The following GABBR2 variants were observed in gnomAD, a reference collection of about 807,000 sequenced individuals.
GABBR2 encodes the protein G-protein coupled receptor 51.
A neutral mutation model predicts 105.6 loss-of-function variants in GABBR2; 23 were observed. That is an observed-to-expected ratio of 0.22 (90% CI 0.16 to 0.31). The LOEUF is 0.31. GABBR2 is among the 10% of genes least tolerant of loss of function. The probability of loss-of-function intolerance (pLI) is 1.00; values close to 1 mark genes in which losing one functional copy is unlikely to be tolerated. For missense variants in GABBR2, 734 were observed against 1,245.5 expected (o/e 0.59, Z 6.18); for synonymous variants, 478 against 499.7 (o/e 0.96, Z 0.58).
intron 13 of GABBR2, among the ~76,000 whole-genome samples, chr9:98,345,798 A>G (rs1831293811): frequency 6.6e-6 from 1 of 152,250 alleles, no homozygotes; most frequent in African/African-American, 2.4e-5. Flanking sequence ...TTGCTTTCCT[A>G]TACAGGCACA....
At chr9:98,663,021 G>C (rs1023341013) in intron 1 of GABBR2, among the ~76,000 whole-genome samples, 1 of 152,152 alleles carries the variant, frequency 6.6e-6, no homozygotes, top group South Asian at 2.1e-4. Context: ...ATTAAGGATG[G>C]GTTGATCATG....
chr9:98,469,333 C>T (rs1264982067), intron 6 of GABBR2, among the ~76,000 whole-genome samples: 1 of 152,164 alleles, frequency 6.6e-6, no homozygotes, highest in Non-Finnish European at 1.5e-5. Context: ...CTCGTGAGAA[C>T]TCATTCACTA....
rs1039608029 is a variant in GABBR2 at position 98,313,262 on chromosome 9, A to G, written c.1894-2057T>C. Reference sequence around the variant, plus strand: ...AACTCTTCTTGCTCCCAGCCTTGCAATCAACCATTTCTCCAAGGAGTCCTT... The same window carrying G: ...AACTCTTCTTGCTCCCAGCCTTGCAGTCAACCATTTCTCCAAGGAGTCCTT... On this transcript the variant is annotated intron_variant, in intron 13 of 18. Transcript: ENST00000259455. Among the ~76,000 whole-genome samples the G allele has an allele frequency of 2.0e-5, 3 of 152,162 alleles. No individual in the cohort carries two copies. The East Asian group carries it at 5.8e-4, about 29-fold the overall frequency.
At chr9:98,510,890 C>G (rs1827626536) in intron 3 of GABBR2, among the ~76,000 whole-genome samples, 1 of 152,194 alleles carries the variant, frequency 6.6e-6, no homozygotes, top group South Asian at 2.1e-4. Flanking sequence ...GAACTCAGCT[C>G]TGCACCAAGC....
intron 13 of GABBR2, among the ~76,000 whole-genome samples, chr9:98,354,128 T>C (rs998189600): frequency 1.1e-4 from 16 of 152,230 alleles, no homozygotes; most frequent in Admixed American, 3.3e-4. Flanking sequence ...GAAAAGAGTA[T>C]TTTAATTAAT....
intron 1 of GABBR2, among the ~76,000 whole-genome samples, chr9:98,590,059 C>G (rs995530380): frequency 1.3e-5 from 2 of 152,150 alleles, no homozygotes; most frequent in African/African-American, 4.8e-5. Context: ...CCTCTGTCCC[C>G]CTTTGCCTAT....
intron 1 of GABBR2, among the ~76,000 whole-genome samples, chr9:98,585,276 T>C (rs911500746): frequency 2.0e-4 from 30 of 151,698 alleles, no homozygotes; most frequent in Admixed American, 1.3e-4. Context: ...ATTAAGAAAA[T>C]GTGGCACATA....
chr9:98,670,023 C>T (rs1026587302), intron 1 of GABBR2, among the ~76,000 whole-genome samples: 2 of 152,070 alleles, frequency 1.3e-5, no homozygotes, highest in African/African-American at 4.8e-5. Flanking sequence ...CAGCAAGCCA[C>T]GTGTGCAGTC....
rs1832246999 is a variant in GABBR2 at position 98,394,217 on chromosome 9, C to T, written c.1336G>A (p.Ala446Thr). 1 of 1,613,988 alleles carries T rather than the reference C, an allele frequency of 6.2e-7. No homozygotes were observed. Among genetic ancestry groups the T allele is most frequent in the African/African-American group, 1.3e-5 (1 of 75,030 alleles). The change falls in exon 9 of 19, where the codon GCC (alanine) becomes ACC (threonine). Residue 446 changes from alanine (A) to threonine (T), a missense_variant. Transcript: ENST00000259455. ...TCATTGATGATCTCCAGTGTGTCGG[C>T]CACAGCGTTGTACTCTCCCACCTTC... ...EVKVGEYNAV[A>T]DTLEIINDTI...
rs113747643 is a variant in GABBR2 at position 98,388,619 on chromosome 9, CTGTGTGTGTGTGTGTGTGTGTGTG to C, written c.1529+211_1529+234del. Among the ~76,000 whole-genome samples, 1 of 144,468 alleles carries C rather than the reference CTGTGTGTGTGTGTGTGTGTGTGTG, an allele frequency of 6.9e-6. No homozygotes were observed. The highest frequency in any genetic ancestry group is 2.6e-5 in the African/African-American group (1 of 39,126). 94.8% of individuals were successfully genotyped at this position (144,468 alleles called of 152,430 possible). Reference sequence around the variant, plus strand: ...TCCTGTGCAACCAGCAGCCTGGCCTCTGTGTGTGTGTGTGTGTGTGTGTGTGTGTGTGTGTGTGTGTGCGTGCAC... The same window carrying C: ...TCCTGTGCAACCAGCAGCCTGGCCTCTGTGTGTGTGTGTGTGTGCGTGCAC... On this transcript the variant is annotated intron_variant, in intron 10 of 18. Transcript: ENST00000259455. This position sits in a 1 kb window ranked among gnomAD's most constrained non-coding sequence, Gnocchi z 4.4.
At chr9:98,353,790 G>A (rs1831440692) in intron 13 of GABBR2, among the ~76,000 whole-genome samples, 1 of 117,460 alleles carries the variant, frequency 8.5e-6, no homozygotes, top group Admixed American at 9.4e-5. Flanking sequence ...ACCAGGTGGA[G>A]GTAATTGGAT....
At chr9:98,400,424 T>C (rs945433251) in intron 8 of GABBR2, among the ~76,000 whole-genome samples, 1 of 152,048 alleles carries the variant, frequency 6.6e-6, no homozygotes, top group Non-Finnish European at 1.5e-5. Context: ...CCTCTGCCAG[T>C]GGGTGTGGAT....
chr9:98,298,839 T>G (rs978480974), intron 17 of GABBR2, among the ~76,000 whole-genome samples: 1 of 152,210 alleles, frequency 6.6e-6, no homozygotes, highest in Non-Finnish European at 1.5e-5. Flanking sequence ...CATTCTTTTC[T>G]TGCACATTGA....
In GABBR2 at chr9:98,451,635, TGGGCCCATGTG is replaced by T. The variant is rs371374849; in HGVS notation, c.1236+2335_1236+2345del. On this transcript the variant is annotated intron_variant, in intron 7 of 18. Coordinates refer to ENST00000259455, the MANE Select transcript of GABBR2 (RefSeq NM_005458.8). Reference sequence around the variant, plus strand: ...CCCACCCCGAGAGGTTCTGATTTAATGGGCCCATGTGGGGCCTGGGAATGTGCATCTCTAAC... The same window carrying T: ...CCCACCCCGAGAGGTTCTGATTTAATGGGCCTGGGAATGTGCATCTCTAAC... 5.7e-3 allele frequency among the ~76,000 whole-genome samples: 869 copies of T among 152,280 alleles called. 10 individuals carry two copies. Among genetic ancestry groups the T allele is most frequent in the African/African-American group, 0.02 (812 of 41,558 alleles).
Position 98,585,273 on chromosome 9 carries a change from A to G in GABBR2, c.322-7201T>C, listed in dbSNP as rs113596453. ...CCAACAACGATAGACTGGATTAAGA[A>G]AATGTGGCACATATACACCATGGAA... On this transcript the variant is annotated intron_variant, in intron 1 of 18. Coordinates refer to ENST00000259455, the MANE Select transcript of GABBR2 (RefSeq NM_005458.8). Among the ~76,000 whole-genome samples, 305 of 152,202 alleles carry G rather than the reference A, an allele frequency of 2.0e-3. 1 individual carries two copies. Among genetic ancestry groups the G allele is most frequent in the African/African-American group, 6.7e-3 (278 of 41,518 alleles).
intron 1 of GABBR2, among the ~76,000 whole-genome samples, chr9:98,593,502 A>C (rs546339699): frequency 6.6e-6 from 1 of 152,202 alleles, no homozygotes; most frequent in East Asian, 1.9e-4. Context: ...GGGGAGTCCT[A>C]GTTTCCTTCA....
intron 1 of GABBR2, among the ~76,000 whole-genome samples, chr9:98,640,611 C>T (rs1829946874): frequency 2.0e-5 from 3 of 152,238 alleles, no homozygotes; most frequent in South Asian, 2.1e-4. Context: ...AAAAGAGGTG[C>T]CACAGACAGA....
At chr9:98,432,960 T>C (rs1401346179) in intron 7 of GABBR2, among the ~76,000 whole-genome samples, 9 of 152,028 alleles carry the variant, frequency 5.9e-5, no homozygotes, top group Admixed American at 2.6e-4. Flanking sequence ...TCCCATCACT[T>C]TGGGGGTGTG....
chr9:98,538,282 A>T (rs1828219217), intron 3 of GABBR2, among the ~76,000 whole-genome samples: 1 of 152,182 alleles, frequency 6.6e-6, no homozygotes, highest in South Asian at 2.1e-4. Context: ...AGATCAGCCC[A>T]CCTGGTACCA....
Sources: allele counts gnomAD v4.1 joint callset (sites outside exome capture counted in the v4.1 genomes callset), GRCh38; gene constraint gnomAD v4.1.1; non-coding constraint Gnocchi (gnomAD v3.1); transcripts MANE v1.5; gene names NCBI Gene and HGNC (gene_info 2026-07-23, HGNC 2026-07-21).